The following SLC12A8 variants were observed in gnomAD, a reference collection of about 807,000 sequenced individuals.
The protein encoded by SLC12A8 is solute carrier family 12 member 8, also known as cation-chloride cotransporter 9.
In SLC12A8, 69 loss-of-function variants were observed where a neutral mutation model predicts 75.6. That is an observed-to-expected ratio of 0.91 (90% CI 0.75 to 1.11). SLC12A8 has a LOEUF of 1.11. Among genes scored for constraint, SLC12A8 ranks in the 50% most tolerant of loss-of-function variants. The probability of loss-of-function intolerance (pLI) is 0.00; values close to 1 mark genes in which losing one functional copy is unlikely to be tolerated. For missense variants in SLC12A8, 877 were observed against 896.7 expected (o/e 0.98, Z 0.28); for synonymous variants, 365 against 372.8 (o/e 0.98, Z 0.24).
At chr3:125,194,225 C>T (rs1463542133) in intron 2 of SLC12A8, among the ~76,000 whole-genome samples, 2 of 152,180 alleles carry the variant, frequency 1.3e-5, no homozygotes, top group East Asian at 3.9e-4. Context: ...GGCGACTTGG[C>T]GCCTGGCCCA....
At chr3:125,187,137 T>A in intron 4 of SLC12A8, 100 bp downstream of exon 4, 1 of 1,234,962 alleles carries the variant, frequency 8.1e-7, no homozygotes. Flanking sequence ...CATGCGGCAA[T>A]TGTCCCCACC....
chr3:125,106,806 A>G (rs1253421922), intron 10 of SLC12A8, among the ~76,000 whole-genome samples: 2 of 152,204 alleles, frequency 1.3e-5, no homozygotes, highest in Non-Finnish European at 2.9e-5. Flanking sequence ...CCAGCTGTGC[A>G]AAGAATCAGG....
chr3:125,108,970 G>T (rs1462371774), intron 9 of SLC12A8, among the ~76,000 whole-genome samples: 2 of 152,146 alleles, frequency 1.3e-5, no homozygotes, highest in Non-Finnish European at 2.9e-5. Flanking sequence ...GTGGAAAAAA[G>T]GTGCTAGCTG....
At chr3:125,134,766 CCTT>C (rs1353498991) in intron 6 of SLC12A8, among the ~76,000 whole-genome samples, 1 of 152,208 alleles carries the variant, frequency 6.6e-6, no homozygotes, top group African/African-American at 2.4e-5. Flanking sequence ...AGTAGCTTCT[CCTT>C]CTTTTTCTGT....
At chr3:125,208,821 G>T (rs1344615240) in intron 2 of SLC12A8, among the ~76,000 whole-genome samples, 1 of 149,920 alleles carries the variant, frequency 6.7e-6, no homozygotes, top group Non-Finnish European at 1.5e-5. Flanking sequence ...GAGAGAGAGA[G>T]AGAGCTACCC....
chr3:125,118,929 A>G, intron 7 of SLC12A8, 73 bp from the exon 8 acceptor site: 1 of 1,003,326 alleles, frequency 1.0e-6, no homozygotes, highest in Non-Finnish European at 1.6e-6. Flanking sequence ...CCCTCACTCA[A>G]CCTTCTGTTT....
At chr3:125,201,554 C>A (rs566454282) in intron 2 of SLC12A8, among the ~76,000 whole-genome samples, 32 of 152,080 alleles carry the variant, frequency 2.1e-4, no homozygotes, top group African/African-American at 7.5e-4. Flanking sequence ...GGGAGGATTG[C>A]TTGAGCCCAA....
chr3:125,123,157 C>T (rs1054292540), intron 6 of SLC12A8, among the ~76,000 whole-genome samples: 3 of 151,874 alleles, frequency 2.0e-5, no homozygotes, highest in African/African-American at 7.3e-5. Flanking sequence ...GGCAGATCAT[C>T]TGAGGTCAGG....
intron 5 of SLC12A8, among the ~76,000 whole-genome samples, chr3:125,160,971 T>C (rs1046270076): frequency 1.3e-5 from 2 of 151,930 alleles, no homozygotes; most frequent in Non-Finnish European, 2.9e-5. Context: ...GACTCTTAAG[T>C]GGTTTGTTGG....
At position 125,135,654 on chromosome 3, in the gene SLC12A8, C is replaced by A; in HGVS notation, c.736+15G>T. 5.2e-6 allele frequency: 8 copies of A among 1,543,182 alleles called. No homozygotes were observed. The highest frequency in any genetic ancestry group is 7.0e-6 in the Non-Finnish European group (8 of 1,137,734). ...CCCCTAATTTGAGAGTAAAAAAGAA[C>A]CCAGATTACAATACCTGTAGCCGCT... On this transcript the variant is annotated intron_variant, in intron 6 of 13. Coordinates refer to ENST00000469902, the MANE Select transcript of SLC12A8 (RefSeq NM_024628.6).
In SLC12A8 at chr3:125,135,843, T is replaced by C. The variant is rs1375497522; in HGVS notation, c.623-61A>G. The C allele has an allele frequency of 4.3e-6, 4 of 925,072 alleles. No homozygotes were observed. The African/African-American group carries it at 5.0e-5, about 11-fold the overall frequency. 57.3% of individuals were successfully genotyped at this position (925,072 alleles called of 1,614,324 possible). On this transcript the variant is annotated intron_variant, in intron 5 of 13. Transcript: ENST00000469902. The stretch of plus-strand genomic sequence containing the variant: ...TGAGAAGACACAGGACACATTTCCC[T>C]AGATTATGGTACTATTTCATATATC...
At chr3:125,102,303 T>C (rs1279213055) in intron 10 of SLC12A8, among the ~76,000 whole-genome samples, 2 of 152,090 alleles carry the variant, frequency 1.3e-5, no homozygotes, top group Admixed American at 6.5e-5. Flanking sequence ...AAGAACATGG[T>C]GTGTTTAGGA....
chr3:125,211,221 G>A (rs1560088540), intron 2 of SLC12A8, 78 bp downstream of exon 2: 1 of 1,184,710 alleles, frequency 8.4e-7, no homozygotes, highest in East Asian at 2.3e-5. Flanking sequence ...GCGCTGTAAT[G>A]TTTGCATCCA....
intron 5 of SLC12A8, among the ~76,000 whole-genome samples, chr3:125,154,488 G>A (rs564217339): frequency 3.9e-5 from 6 of 152,234 alleles, no homozygotes; most frequent in African/African-American, 1.4e-4. Flanking sequence ...TCCATAGATA[G>A]GATATAGTGA....
chr3:125,195,161 C>G (rs955744718), intron 2 of SLC12A8, among the ~76,000 whole-genome samples: 36 of 152,248 alleles, frequency 2.4e-4, no homozygotes, highest in African/African-American at 8.0e-4. Context: ...GGAAGGAAGA[C>G]AAAGAAGTCT....
chr3:125,196,627 C>A (rs1211919779), intron 2 of SLC12A8, among the ~76,000 whole-genome samples: 1 of 152,170 alleles, frequency 6.6e-6, no homozygotes, highest in African/African-American at 2.4e-5. Context: ...TTTCCCTCTG[C>A]CCACTTAAAG....
chr3:125,110,331 G>C lies in SLC12A8; in HGVS notation c.917C>G (p.Ser306Cys). The C allele has an allele frequency of 6.2e-7, 1 of 1,611,644 alleles. No homozygotes were observed. Residue 306 changes from serine to cysteine, a missense_variant, in exon 9 of 14, where the codon TCC (serine) becomes TGC (cysteine). By Grantham distance (112) the Ser-to-Cys change is moderately radical. Coordinates refer to ENST00000469902, the MANE Select transcript of SLC12A8 (RefSeq NM_024628.6). ...CAAAAGGAACAGGAAGCCCATGAGG[G>C]ATACCTGTGTGAGAAGCGGTTTCAT... ...RYDFLIAEKVSLMGFLFLLGL... is the reference protein window; with the variant it reads ...RYDFLIAEKVCLMGFLFLLGL...
At chr3:125,101,682 A>T (rs560861866) in intron 10 of SLC12A8, among the ~76,000 whole-genome samples, 70 of 152,376 alleles carry the variant, frequency 4.6e-4, no homozygotes, top group Non-Finnish European at 8.2e-4. Flanking sequence ...TTGTGTATAT[A>T]AGGTATAAAA....
intron 6 of SLC12A8, among the ~76,000 whole-genome samples, chr3:125,133,209 G>A (rs186869381): frequency 6.6e-6 from 1 of 152,034 alleles, no homozygotes; most frequent in Non-Finnish European, 1.5e-5. Context: ...GATGATTAAA[G>A]TTATTGTCTT....
Sources: gnomAD v4.1 joint callset for allele counts (sites outside exome capture counted in the v4.1 genomes callset) on GRCh38, gnomAD v4.1.1 for gene constraint, MANE v1.5 for transcripts, NCBI Gene and HGNC (gene_info 2026-07-23, HGNC 2026-07-21) for gene names.